The following TNFRSF21 variants were observed in gnomAD, a reference collection of about 807,000 sequenced individuals.
TNFRSF21 encodes the protein TNF receptor superfamily member 21.
TNFRSF21 carries 19 observed loss-of-function variants against 45.6 expected under a neutral mutation model. The ratio of observed to expected loss-of-function variants is 0.42; its 90% CI spans 0.29 to 0.61. The LOEUF (loss-of-function observed/expected upper bound fraction) is 0.61, where lower values mean the gene tolerates loss of function less well. Among genes scored for constraint, TNFRSF21 ranks in the 20% least tolerant of loss-of-function variants. The pLI, the probability that TNFRSF21 is intolerant of heterozygous loss-of-function variation, is 0.23. For missense variants in TNFRSF21, 737 were observed against 851.5 expected (o/e 0.87, Z 1.67); for synonymous variants, 314 against 335.5 (o/e 0.94, Z 0.70).
chr6:47,274,231 A>T (rs1762464490), intron 3 of TNFRSF21, among the ~76,000 whole-genome samples: 2 of 152,240 alleles, frequency 1.3e-5, no homozygotes, highest in Non-Finnish European at 2.9e-5. Flanking sequence ...ACCTGACTTC[A>T]AACTATACTA....
chr6:47,309,155 GTCT>G (rs1192565667), intron 1 of TNFRSF21, among the ~76,000 whole-genome samples: 1 of 152,142 alleles, frequency 6.6e-6, no homozygotes, highest in Non-Finnish European at 1.5e-5. Context: ...TACCTCTAGC[GTCT>G]CCTCCAGCAA....
chr6:47,249,046 G>A (rs977066932), intron 4 of TNFRSF21, among the ~76,000 whole-genome samples: 7 of 152,204 alleles, frequency 4.6e-5, no homozygotes, highest in Admixed American at 2.0e-4. Context: ...TGCCAGGACA[G>A]GGATTTAACC....
At chr6:47,276,564 G>T (rs1191463350) in intron 3 of TNFRSF21, among the ~76,000 whole-genome samples, 2 of 152,210 alleles carry the variant, frequency 1.3e-5, no homozygotes, top group Non-Finnish European at 2.9e-5. Context: ...GCGACAACCT[G>T]CAGGACAAAC....
At position 47,234,735 on chromosome 6, in the gene TNFRSF21, A is replaced by C. The variant is rs1399174008; in HGVS notation, c.1673T>G (p.Leu558Arg). Residue 558 changes from leucine to arginine, a missense_variant, in exon 5 of 6, where the codon CTC (leucine) becomes CGC (arginine). Leu to Arg is a moderately radical substitution (Grantham distance 102). Coordinates refer to ENST00000296861, the MANE Select transcript of TNFRSF21 (RefSeq NM_014452.5). ...GCCGCTGGATGTAGAGTCACAGCGG[A>C]GAAGGGGCTCCGACTCATCCACGAA... ...GFFVDESEPL[L>R]RCDSTSSGSS... The C allele has an allele frequency of 4.3e-6, 7 of 1,612,012 alleles. No individual in the cohort carries two copies. Among genetic ancestry groups the C allele is most frequent in the Non-Finnish European group, 5.9e-6 (7 of 1,179,236 alleles).
chr6:47,284,870 A>C (rs1231309968), intron 2 of TNFRSF21, among the ~76,000 whole-genome samples: 1 of 152,234 alleles, frequency 6.6e-6, no homozygotes, highest in Non-Finnish European at 1.5e-5. Context: ...GAATATGACT[A>C]AGATAAAAAA....
chr6:47,239,982 C>A (rs1764721880), intron 4 of TNFRSF21, among the ~76,000 whole-genome samples: 1 of 152,164 alleles, frequency 6.6e-6, no homozygotes, highest in Non-Finnish European at 1.5e-5. Context: ...TGTGGTTGCA[C>A]AATCTGTTTT....
intron 3 of TNFRSF21, among the ~76,000 whole-genome samples, chr6:47,266,275 A>G (rs1762331968): frequency 6.6e-6 from 1 of 152,202 alleles, no homozygotes; most frequent in East Asian, 1.9e-4. Flanking sequence ...CAATCCTAAA[A>G]GAGGAATCAC....
intron 4 of TNFRSF21, among the ~76,000 whole-genome samples, chr6:47,250,263 C>T (rs978115599): frequency 5.3e-5 from 8 of 152,096 alleles, no homozygotes; most frequent in East Asian, 1.9e-4. Flanking sequence ...TTTTTAATAG[C>T]TTTGGTAAAA....
chr6:47,303,457 A>G lies in TNFRSF21; in HGVS notation c.96+5959T>C, dbSNP rs533415848. ...AGGTCTCTCTGAGCGCAACTTTCCC[A>G]CCACTGCACACATCTGTCATCTCCA... is the stretch of plus-strand genomic sequence containing the variant. On this transcript the variant is annotated intron_variant, in intron 1 of 5. Coordinates refer to ENST00000296861, the MANE Select transcript of TNFRSF21 (RefSeq NM_014452.5). 1.3e-3 allele frequency among the ~76,000 whole-genome samples: 193 copies of G among 152,186 alleles called. 1 individual carries two copies. The highest frequency in any genetic ancestry group is 4.4e-3 in the African/African-American group (184 of 41,512).
rs563546679 is a variant in TNFRSF21, at chr6:47,288,695, T to A, written c.97-2100A>T. Among the ~76,000 whole-genome samples, 3 of 152,342 alleles carry A rather than the reference T, an allele frequency of 2.0e-5. No individual in the cohort carries two copies. In the East Asian group the frequency reaches 5.8e-4, roughly 29 times the overall value. ...CAACTGGGAACCAGGAAGGCATGCATTCAAGCTGCCAGTTCCATGCACCAG... is the reference window on the plus strand; with the variant it reads ...CAACTGGGAACCAGGAAGGCATGCAATCAAGCTGCCAGTTCCATGCACCAG... On this transcript the variant is annotated intron_variant, in intron 1 of 5. Coordinates refer to ENST00000296861, the MANE Select transcript of TNFRSF21 (RefSeq NM_014452.5).
At chr6:47,251,623 A>G (rs1305179831) in intron 4 of TNFRSF21, among the ~76,000 whole-genome samples, 1 of 152,166 alleles carries the variant, frequency 6.6e-6, no homozygotes, top group Non-Finnish European at 1.5e-5. Context: ...GGCATCATCA[A>G]GGACATTAGG....
intron 3 of TNFRSF21, among the ~76,000 whole-genome samples, chr6:47,274,016 C>G (rs138572596): frequency 0.021 from 3,208 of 152,284 alleles, 135 homozygotes; most frequent in African/African-American, 0.074. Flanking sequence ...ATATTCCATG[C>G]TCATGGATAG....
At chr6:47,236,937 C>T (rs898483783) in intron 4 of TNFRSF21, among the ~76,000 whole-genome samples, 2 of 152,190 alleles carry the variant, frequency 1.3e-5, no homozygotes, top group Non-Finnish European at 2.9e-5. Flanking sequence ...AGTCCACTCA[C>T]CTGTTTCCTA....
At chr6:47,264,717 T>A (rs1048833963) in intron 3 of TNFRSF21, among the ~76,000 whole-genome samples, 3 of 152,182 alleles carry the variant, frequency 2.0e-5, no homozygotes, top group East Asian at 3.9e-4. Context: ...TGCTTTATAA[T>A]CCTCAAACAC....
rs767558624 is a variant in TNFRSF21 at position 47,283,982 on chromosome 6, G to A, written c.1199C>T (p.Pro400Leu). The A allele has an allele frequency of 1.2e-6, 2 of 1,614,034 alleles. No homozygotes were observed. Among genetic ancestry groups the A allele is most frequent in the Admixed American group, 3.3e-5 (2 of 60,000 alleles). Residue 400 changes from proline to leucine, a missense_variant, in exon 3 of 6, where the codon CCA becomes CTA. Transcript: ENST00000296861. ...EKAGLKKSMT[P>L]TQNREKWIYY... ...GATCCATTTCTCCCGGTTCTGGGTT[G>A]GAGTCATGGATTTCTTCAGCCCTGC... is the stretch of plus-strand genomic sequence containing the variant.
At chr6:47,303,181 A>G (rs772350843) in intron 1 of TNFRSF21, among the ~76,000 whole-genome samples, 1 of 152,156 alleles carries the variant, frequency 6.6e-6, no homozygotes, top group Non-Finnish European at 1.5e-5. Flanking sequence ...TCCTTTTCCC[A>G]AAACAGATAG....
chr6:47,253,466 G>A lies in TNFRSF21; in HGVS notation c.1299C>T (p.Ile433=). The change falls in exon 4 of 6, where the codon ATC becomes ATT. Residue 433 remains isoleucine (I), a synonymous_variant. Coordinates refer to ENST00000296861, the MANE Select transcript of TNFRSF21 (RefSeq NM_014452.5). ...CACTGGCATTGCAAAGAAACTGATA[G>A]ATATCTTTCCACTGGCTTCCCACTT... is the stretch of plus-strand genomic sequence containing the variant. ...AAQVGSQWKD[I]YQFLCNASER... is the part of the protein sequence containing the mutation. The A allele has an allele frequency of 1.9e-6, 3 of 1,613,914 alleles. No homozygotes were observed. Among genetic ancestry groups the A allele is most frequent in the Non-Finnish European group, 2.5e-6 (3 of 1,180,030 alleles).
intron 4 of TNFRSF21, among the ~76,000 whole-genome samples, chr6:47,240,488 A>C (rs896642196): frequency 6.6e-6 from 1 of 152,246 alleles, no homozygotes; most frequent in African/African-American, 2.4e-5. Flanking sequence ...GAGGAAACTG[A>C]GGCTCTAAGA....
At chr6:47,266,100 A>G (rs541619903) in intron 3 of TNFRSF21, among the ~76,000 whole-genome samples, 1 of 152,334 alleles carries the variant, frequency 6.6e-6, no homozygotes, top group South Asian at 2.1e-4. Flanking sequence ...TATAAGAAAC[A>G]TGCAATTCCA....
Sources: gnomAD v4.1 joint callset for allele counts (sites outside exome capture counted in the v4.1 genomes callset) on GRCh38, gnomAD v4.1.1 for gene constraint, MANE v1.5 for transcripts, NCBI Gene and HGNC (gene_info 2026-07-23, HGNC 2026-07-21) for gene names.